The following INAFM2 variants were observed in gnomAD, a reference collection of about 807,000 sequenced individuals.
INAFM2 encodes the protein putative transmembrane protein INAFM2.
INAFM2 carries 3 observed loss-of-function variants against 5.6 expected under a neutral mutation model. That is an observed-to-expected ratio of 0.54 (90% CI 0.24 to 1.39). The LOEUF (loss-of-function observed/expected upper bound fraction) is 1.39, where lower values mean the gene tolerates loss of function less well. Ranked by LOEUF, INAFM2 falls within the 40% of genes most tolerant of loss-of-function variation. The pLI, the probability that INAFM2 is intolerant of heterozygous loss-of-function variation, is 0.16. For missense variants in INAFM2, 186 were observed against 217.5 expected (o/e 0.86, Z 0.91); for synonymous variants, 113 against 109.1 (o/e 1.04, Z -0.22).
rs1325175001 is a variant in INAFM2, at chr15:40,324,053, C to T, written c.-3C>T. 8.1e-7 allele frequency: 1 copy of T among 1,228,152 alleles called. No homozygotes were observed. The highest frequency in any genetic ancestry group is 1.6e-5 in the African/African-American group (1 of 64,266). The allele number at this position is 1,228,152 out of a possible 1,614,324, so 76.1% of individuals were successfully genotyped here. On this transcript the variant is annotated 5_prime_UTR_variant, in exon 1 of 1. Transcript: ENST00000638170. ...GCACCGGGGCAAAGGCCGGGGCCCC[C>T]CCATGAAGGAGCGCGACGCGGCCCC...
At position 40,326,405 on chromosome 15, in the gene INAFM2, A is replaced by G. The variant is rs963479556; in HGVS notation, c.*1888A>G. 6.6e-6 allele frequency: 1 copy of G among 152,220 alleles called. No homozygotes were observed. The highest frequency in any genetic ancestry group is 2.4e-5 in the African/African-American group (1 of 41,440). 9.4% of individuals were successfully genotyped at this position (152,220 alleles called of 1,614,324 possible). On this transcript the variant is annotated 3_prime_UTR_variant, in exon 1 of 1. Transcript: ENST00000638170. ...ATCTCTTATTCCAAGAATCCTTTGA[A>G]CTTGTAGAACATCTGGGAGTCCACT...
chr15:40,323,977 C>T lies in INAFM2; in HGVS notation c.-79C>T. On this transcript the variant is annotated 5_prime_UTR_variant, in exon 1 of 1. Coordinates refer to ENST00000638170, the MANE Select transcript of INAFM2 (RefSeq NM_001301268.2). The surrounding 1 kb of genome is among the most constrained non-coding windows in gnomAD (Gnocchi z 5.6). ...CGGGAACCGAGGGCGCCGGGCCGCC[C>T]CCTGCCCAGTCCTTGCAGGCCGCCA... 5.9e-6 allele frequency: 5 copies of T among 847,584 alleles called. No individual in the cohort carries two copies. Among genetic ancestry groups the T allele is most frequent in the African/African-American group, 1.8e-5 (1 of 56,270 alleles). The allele number at this position is 847,584 out of a possible 1,614,324, so 52.5% of individuals were successfully genotyped here.
Position 40,324,472 on chromosome 15 carries a change from G to T in INAFM2, c.417G>T (p.Pro139=). The change falls in exon 1 of 1, where the codon CCG becomes CCT. Residue 139 remains proline, a synonymous_variant. Transcript: ENST00000638170. ...GGCCGCTCGAGCGGCCTCGGGGGCCGGACGAGGACGAAGAGGAAACGGCGG... is the reference window on the plus strand; with the variant it reads ...GGCCGCTCGAGCGGCCTCGGGGGCCTGACGAGGACGAAGAGGAAACGGCGG... ...PAGPLERPRG[P]DEDEEETAAA... is the part of the protein sequence containing the mutation. The T allele has an allele frequency of 8.2e-7, 1 of 1,226,556 alleles. No homozygotes were observed. The highest frequency in any genetic ancestry group is 4.1e-5 in the South Asian group (1 of 24,260). The allele number at this position is 1,226,556 out of a possible 1,614,324, so 76.0% of individuals were successfully genotyped here.
Position 40,324,675 on chromosome 15 carries a change from C to T in INAFM2, c.*158C>T, listed in dbSNP as rs1008865286. 9 of 478,444 alleles carry T rather than the reference C, an allele frequency of 1.9e-5. No homozygotes were observed. Among genetic ancestry groups the T allele is most frequent in the East Asian group, 3.7e-5 (1 of 26,748 alleles). 29.6% of individuals were successfully genotyped at this position (478,444 alleles called of 1,614,324 possible). Reference sequence around the variant, plus strand: ...CCGGCTGGCCCCGGAGCGGGAGGCCCGCAGCCAGATCTTCAGCCAAGGGAC... The same window carrying T: ...CCGGCTGGCCCCGGAGCGGGAGGCCTGCAGCCAGATCTTCAGCCAAGGGAC... On this transcript the variant is annotated 3_prime_UTR_variant, in exon 1 of 1. Coordinates refer to ENST00000638170, the MANE Select transcript of INAFM2 (RefSeq NM_001301268.2).
Position 40,323,854 on chromosome 15 carries a change from G to C in INAFM2, c.-202G>C, listed in dbSNP as rs1054243665. The C allele has an allele frequency of 6.6e-6, 1 of 152,444 alleles. No homozygotes were observed. The highest frequency in any genetic ancestry group is 2.5e-5 in the African/African-American group (1 of 40,788). The allele number at this position is 152,444 out of a possible 1,614,324, so 9.4% of individuals were successfully genotyped here. On this transcript the variant is annotated 5_prime_UTR_variant, in exon 1 of 1. Transcript: ENST00000638170. The surrounding 1 kb of genome is among the most constrained non-coding windows in gnomAD (Gnocchi z 5.6). The stretch of plus-strand genomic sequence containing the variant: ...CGGGCCGGCGGCGGCGGCGGCGCTG[G>C]CGGCGGTGACTGGTCCAGGCCCCGG...
rs1888762651 is a variant in INAFM2, at chr15:40,324,865, C to T, written c.*348C>T. 1 of 199,100 alleles carries T rather than the reference C, an allele frequency of 5.0e-6. No homozygotes were observed. Among genetic ancestry groups the T allele is most frequent in the South Asian group, 1.9e-4 (1 of 5,270 alleles). The allele number at this position is 199,100 out of a possible 1,614,324, so 12.3% of individuals were successfully genotyped here. On this transcript the variant is annotated 3_prime_UTR_variant, in exon 1 of 1. Transcript: ENST00000638170. Reference sequence around the variant, plus strand: ...TGCAGGGGTGACTGGGGCTTTCCCCCAAGACTCAGGGGAAGGATGGAGCTG... The same window carrying T: ...TGCAGGGGTGACTGGGGCTTTCCCCTAAGACTCAGGGGAAGGATGGAGCTG...
rs1248913382 is a variant in INAFM2, at chr15:40,325,764, G to A, written c.*1247G>A. 1.3e-5 allele frequency: 2 copies of A among 152,178 alleles called. No homozygotes were observed. Among genetic ancestry groups the A allele is most frequent in the African/African-American group, 4.8e-5 (2 of 41,442 alleles). The allele number at this position is 152,178 out of a possible 1,614,324, so 9.4% of individuals were successfully genotyped here. ...AGACCAGCCGAGGGAAGGTTGAATT[G>A]GCTGTCTTTACTTTTCCCGATAAGC... On this transcript the variant is annotated 3_prime_UTR_variant, in exon 1 of 1. Transcript: ENST00000638170.
Position 40,324,161 on chromosome 15 carries a change from C to G in INAFM2, c.106C>G (p.Leu36Val). The change falls in exon 1 of 1, where the codon CTC becomes GTC. Residue 36 changes from leucine to valine, a missense_variant. Around this residue, in one of 2 missense-constraint regions of INAFM2, gnomAD observed 38 missense variants for 77.3 expected, o/e 0.49. Transcript: ENST00000638170. Reference sequence around the variant, plus strand: ...CAAGACCAACAAGAAGTGGGTCCGGCTCGCCACCGTGTTCGCCTACGTGCT... The same window carrying G: ...CAAGACCAACAAGAAGTGGGTCCGGGTCGCCACCGTGTTCGCCTACGTGCT... ...AAKTNKKWVR[L>V]ATVFAYVLSV... The G allele has an allele frequency of 8.1e-7, 1 of 1,229,326 alleles. No individual in the cohort carries two copies. Among genetic ancestry groups the G allele is most frequent in the Non-Finnish European group, 1.0e-6 (1 of 986,528 alleles). 76.2% of individuals were successfully genotyped at this position (1,229,326 alleles called of 1,614,324 possible). A position where few individuals can be genotyped will look rare whatever the true frequency, so the allele number is the denominator to read the frequency against.
Position 40,324,474 on chromosome 15 carries a change from A to G in INAFM2, c.419A>G (p.Asp140Gly). 2 of 1,126,230 alleles carry G rather than the reference A, an allele frequency of 1.8e-6. No individual in the cohort carries two copies. Among genetic ancestry groups the G allele is most frequent in the Non-Finnish European group, 1.1e-6 (1 of 922,374 alleles). The allele number at this position is 1,126,230 out of a possible 1,614,324, so 69.8% of individuals were successfully genotyped here. ...AGPLERPRGP[D>G]EDEEETAAAP... ...CCGCTCGAGCGGCCTCGGGGGCCGG[A>G]CGAGGACGAAGAGGAAACGGCGGCG... The change falls in exon 1 of 1, where the codon GAC becomes GGC. Residue 140 changes from aspartate to glycine, a missense_variant. This residue lies in a region of INAFM2 where 148 missense variants were observed against 140.2 expected (regional missense o/e 1.06). Transcript: ENST00000638170.
Position 40,324,412 on chromosome 15 carries a change from G to C in INAFM2, c.357G>C (p.Ala119=), listed in dbSNP as rs1888750233. 1.6e-6 allele frequency: 2 copies of C among 1,223,428 alleles called. No homozygotes were observed. Among genetic ancestry groups the C allele is most frequent in the Non-Finnish European group, 2.0e-6 (2 of 982,626 alleles). 75.8% of individuals were successfully genotyped at this position (1,223,428 alleles called of 1,614,324 possible). A position where few individuals can be genotyped will look rare whatever the true frequency, so the allele number is the denominator to read the frequency against. ...DVPPLQAARP[A]PPEPPADSPP... Reference sequence around the variant, plus strand: ...CCCCACTGCAGGCGGCGCGACCGGCGCCTCCGGAGCCCCCTGCGGACAGCC... The same window carrying C: ...CCCCACTGCAGGCGGCGCGACCGGCCCCTCCGGAGCCCCCTGCGGACAGCC... Residue 119 remains alanine (A), a synonymous_variant, in exon 1 of 1, where the codon GCG becomes GCC. Coordinates refer to ENST00000638170, the MANE Select transcript of INAFM2 (RefSeq NM_001301268.2).
Position 40,324,770 on chromosome 15 carries a change from G to A in INAFM2, c.*253G>A, listed in dbSNP as rs766805000. Reference sequence around the variant, plus strand: ...TGCACCAGGGCCCTGAGCCGTAGGGGGATGGGGGGAGGGGTGGGGAGATCC... The same window carrying A: ...TGCACCAGGGCCCTGAGCCGTAGGGAGATGGGGGGAGGGGTGGGGAGATCC... On this transcript the variant is annotated 3_prime_UTR_variant, in exon 1 of 1. Transcript: ENST00000638170. 8.9e-6 allele frequency: 3 copies of A among 335,758 alleles called. No individual in the cohort carries two copies. Among genetic ancestry groups the A allele is most frequent in the Non-Finnish European group, 1.1e-5 (2 of 186,850 alleles). 20.8% of individuals were successfully genotyped at this position (335,758 alleles called of 1,614,324 possible).
At position 40,324,483 on chromosome 15, in the gene INAFM2, A is replaced by G. The variant is rs1888752574; in HGVS notation, c.428A>G (p.Glu143Gly). The change falls in exon 1 of 1, where the codon GAA (glutamate) becomes GGA (glycine). Residue 143 changes from glutamate (E) to glycine (G), a missense_variant. Physicochemically the swap from Glu to Gly is moderately conservative, Grantham distance 98. Around this residue, in one of 2 missense-constraint regions of INAFM2, gnomAD observed 148 missense variants for 140.2 expected, o/e 1.06. Transcript: ENST00000638170. ...LERPRGPDED[E>G]EETAAAPGSR ...CGGCCTCGGGGGCCGGACGAGGACG[A>G]AGAGGAAACGGCGGCGGCGCCCGGG... is the stretch of plus-strand genomic sequence containing the variant. 5.0e-6 allele frequency: 6 copies of G among 1,197,978 alleles called. No individual in the cohort carries two copies. Among genetic ancestry groups the G allele is most frequent in the Non-Finnish European group, 5.2e-6 (5 of 966,956 alleles). The allele number at this position is 1,197,978 out of a possible 1,614,324, so 74.2% of individuals were successfully genotyped here.
chr15:40,324,639 TC>T lies in INAFM2; in HGVS notation c.*125del. 1 of 674,952 alleles carries T rather than the reference TC, an allele frequency of 1.5e-6. No individual in the cohort carries two copies. The highest frequency in any genetic ancestry group is 2.1e-6 in the Non-Finnish European group (1 of 484,578). The allele number at this position is 674,952 out of a possible 1,614,324, so 41.8% of individuals were successfully genotyped here. A position where few individuals can be genotyped will look rare whatever the true frequency, so the allele number is the denominator to read the frequency against. ...CCACGAGAGTGAACGCCCCTCACAC[TC>T]CCACCATCGCCGGCTGGCCCCGGAG... On this transcript the variant is annotated 3_prime_UTR_variant, in exon 1 of 1. Transcript: ENST00000638170.
In INAFM2 at chr15:40,324,278, C is replaced by A; in HGVS notation, c.223C>A (p.Pro75Thr). ...GAGTSGGAAGPPPGGSNATGP... is the reference protein window; with the variant it reads ...GAGTSGGAAGTPPGGSNATGP... ...CGGGACCTCGGGGGGAGCCGCTGGC[C>A]CGCCCCCCGGCGGCTCCAACGCCAC... The change falls in exon 1 of 1, where the codon CCG becomes ACG. Residue 75 changes from proline to threonine, a missense_variant. This residue lies in a region of INAFM2 where 148 missense variants were observed against 140.2 expected (regional missense o/e 1.06). Coordinates refer to ENST00000638170, the MANE Select transcript of INAFM2 (RefSeq NM_001301268.2). The A allele has an allele frequency of 8.1e-7, 1 of 1,228,682 alleles. No individual in the cohort carries two copies. Among genetic ancestry groups the A allele is most frequent in the Non-Finnish European group, 1.0e-6 (1 of 986,226 alleles). 76.1% of individuals were successfully genotyped at this position (1,228,682 alleles called of 1,614,324 possible).
Position 40,324,132 on chromosome 15 carries a change from C to G in INAFM2, c.77C>G (p.Ala26Gly). Residue 26 changes from alanine (A) to glycine (G), a missense_variant, in exon 1 of 1, where the codon GCG becomes GGG. Physicochemically the swap from Ala to Gly is moderately conservative, Grantham distance 60. Coordinates refer to ENST00000638170, the MANE Select transcript of INAFM2 (RefSeq NM_001301268.2). Reference sequence around the variant, plus strand: ...ACCGGGGACAAGAAGGCGAAGATGGCGGCCAAGACCAACAAGAAGTGGGTC... The same window carrying G: ...ACCGGGGACAAGAAGGCGAAGATGGGGGCCAAGACCAACAAGAAGTGGGTC... ...TYTGDKKAKM[A>G]AKTNKKWVRL... The G allele has an allele frequency of 8.1e-7, 1 of 1,229,528 alleles. No homozygotes were observed. The highest frequency in any genetic ancestry group is 1.0e-6 in the Non-Finnish European group (1 of 986,620). The allele number at this position is 1,229,528 out of a possible 1,614,324, so 76.2% of individuals were successfully genotyped here. A position where few individuals can be genotyped will look rare whatever the true frequency, so the allele number is the denominator to read the frequency against.
rs983189388 is a variant in INAFM2, at chr15:40,324,005, C to A, written c.-51C>A. On this transcript the variant is annotated 5_prime_UTR_variant, in exon 1 of 1. Transcript: ENST00000638170. ...TGCCCAGTCCTTGCAGGCCGCCAGGCCCCCTCCAGCCGGGGCCGTGGAGCA... is the reference window on the plus strand; with the variant it reads ...TGCCCAGTCCTTGCAGGCCGCCAGGACCCCTCCAGCCGGGGCCGTGGAGCA... The A allele has an allele frequency of 3.5e-6, 4 of 1,131,410 alleles. No homozygotes were observed. The highest frequency in any genetic ancestry group is 4.4e-6 in the Non-Finnish European group (4 of 899,628). The allele number at this position is 1,131,410 out of a possible 1,614,324, so 70.1% of individuals were successfully genotyped here.
rs1186914681 is a variant in INAFM2, at chr15:40,326,022, C to A, written c.*1505C>A. Reference sequence around the variant, plus strand: ...TTTTTTTTAAAAGACAACTTACCCACCTGAGTCCTGAAACAGTTTGTCTCT... The same window carrying A: ...TTTTTTTTAAAAGACAACTTACCCAACTGAGTCCTGAAACAGTTTGTCTCT... On this transcript the variant is annotated 3_prime_UTR_variant, in exon 1 of 1. Coordinates refer to ENST00000638170, the MANE Select transcript of INAFM2 (RefSeq NM_001301268.2). 6.6e-6 allele frequency: 1 copy of A among 152,172 alleles called. No homozygotes were observed. Among genetic ancestry groups the A allele is most frequent in the Non-Finnish European group, 1.5e-5 (1 of 68,040 alleles). The allele number at this position is 152,172 out of a possible 1,614,324, so 9.4% of individuals were successfully genotyped here. A position where few individuals can be genotyped will look rare whatever the true frequency, so the allele number is the denominator to read the frequency against.
rs1888766154 is a variant in INAFM2 at position 40,325,039 on chromosome 15, G to A, written c.*522G>A. The stretch of plus-strand genomic sequence containing the variant: ...ATAGTTGTTGACATATGCACTAGAA[G>A]CTATAATCACATAGAATTCTATGTA... On this transcript the variant is annotated 3_prime_UTR_variant, in exon 1 of 1. Transcript: ENST00000638170. 1 of 152,286 alleles carries A rather than the reference G, an allele frequency of 6.6e-6. No individual in the cohort carries two copies. The highest frequency in any genetic ancestry group is 1.5e-5 in the Non-Finnish European group (1 of 68,086). The allele number at this position is 152,286 out of a possible 1,614,324, so 9.4% of individuals were successfully genotyped here. A position where few individuals can be genotyped will look rare whatever the true frequency, so the allele number is the denominator to read the frequency against.
In INAFM2 at chr15:40,323,945, G is replaced by T. The variant is rs1888738366; in HGVS notation, c.-111G>T. Reference sequence around the variant, plus strand: ...GCGTGAGGAGCGGCGGCGGAGCGCGGGGCCGCCGGGAACCGAGGGCGCCGG... The same window carrying T: ...GCGTGAGGAGCGGCGGCGGAGCGCGTGGCCGCCGGGAACCGAGGGCGCCGG... On this transcript the variant is annotated 5_prime_UTR_variant, in exon 1 of 1. Coordinates refer to ENST00000638170, the MANE Select transcript of INAFM2 (RefSeq NM_001301268.2). This position sits in a 1 kb window ranked among gnomAD's most constrained non-coding sequence, Gnocchi z 5.6. The T allele has an allele frequency of 4.1e-6, 2 of 491,450 alleles. No individual in the cohort carries two copies. Among genetic ancestry groups the T allele is most frequent in the Non-Finnish European group, 6.0e-6 (2 of 333,760 alleles). 30.4% of individuals were successfully genotyped at this position (491,450 alleles called of 1,614,324 possible).
Sources: gnomAD v4.1 joint callset for allele counts on GRCh38, gnomAD v4.1.1 for gene constraint, gnomAD v4.1.1 regional missense constraint, Gnocchi (gnomAD v3.1) non-coding constraint, MANE v1.5 for transcripts, NCBI Gene and HGNC (gene_info 2026-07-23, HGNC 2026-07-21) for gene names.